The following PCIF1 variants were observed in gnomAD, a reference collection of about 807,000 sequenced individuals.
The protein encoded by PCIF1 is phosphorylated CTD interacting factor 1.
Under a neutral mutation model 86.9 loss-of-function variants are expected in PCIF1, and 12 were observed. The ratio of observed to expected loss-of-function variants is 0.14; its 90% CI spans 0.09 to 0.22. The LOEUF (loss-of-function observed/expected upper bound fraction) is 0.22. Ranked by LOEUF, PCIF1 falls within the 10% of genes least tolerant of loss-of-function variation. The pLI is 1.00. For synonymous variants in PCIF1, 397 were observed against 372.0 expected (o/e 1.07, Z -0.77); for missense variants, 701 against 951.1 (o/e 0.74, Z 3.46).
In PCIF1 at chr20:45,939,080, G is replaced by T. The variant is rs769097763; in HGVS notation, c.81G>T (p.Gln27His). Residue 27 changes from glutamine to histidine, a missense_variant, in exon 3 of 17, where the codon CAG becomes CAT. By Grantham distance (24) the Gln-to-His change is conservative. Around this residue, in one of 7 missense-constraint regions of PCIF1, gnomAD observed 60 missense variants for 58.6 expected, o/e 1.02. Transcript: ENST00000372409. ...SHSPGTSNQS[Q>H]PCSPKPIRLV... is the part of the protein sequence containing the mutation. ...CCCCAGGTACCTCCAATCAGAGCCA[G>T]CCCTGTTCTCCAAAGCCAATCCGCC... is the stretch of plus-strand genomic sequence containing the variant. 1.4e-5 allele frequency: 22 copies of T among 1,614,000 alleles called. No individual in the cohort carries two copies. In the South Asian group the frequency reaches 2.4e-4, roughly 18 times the overall value.
In PCIF1 at chr20:45,947,033, G is replaced by A. The variant is rs754433931; in HGVS notation, c.1614-40G>A. The A allele has an allele frequency of 2.6e-6, 4 of 1,538,326 alleles. No homozygotes were observed. The South Asian group carries it at 4.7e-5, about 18-fold the overall frequency. On this transcript the variant is annotated intron_variant, in intron 14 of 16. Coordinates refer to ENST00000372409, the MANE Select transcript of PCIF1 (RefSeq NM_022104.4). The surrounding 1 kb of genome is among the most constrained non-coding windows in gnomAD (Gnocchi z 5.4). ...GGCACCTGTTTCTGGTTGAGGGACTGGGTCCTGATGGGACTTAGAATGCTC... is the reference window on the plus strand; with the variant it reads ...GGCACCTGTTTCTGGTTGAGGGACTAGGTCCTGATGGGACTTAGAATGCTC...
intron 4 of PCIF1, among the ~76,000 whole-genome samples, chr20:45,940,269 G>A (rs932833076): frequency 1.4e-4 from 21 of 152,186 alleles, no homozygotes; most frequent in African/African-American, 5.1e-4. Context: ...TTCTGAAGGT[G>A]AGAGAACTGG....
chr20:45,941,574 C>G (rs1334598262), intron 7 of PCIF1, among the ~76,000 whole-genome samples: 2 of 152,206 alleles, frequency 1.3e-5, no homozygotes, highest in African/African-American at 2.4e-5. Flanking sequence ...ATTCTCCTGC[C>G]TCAGCCTCCC....
Position 45,939,165 on chromosome 20 carries a change from G to A in PCIF1, c.124+42G>A, listed in dbSNP as rs755327997. On this transcript the variant is annotated intron_variant, in intron 3 of 16. Transcript: ENST00000372409. The stretch of plus-strand genomic sequence containing the variant: ...GTAGTGGGGTGGTGGGGTAGGAAGG[G>A]CACCCTGGGAGCAGTCCTGACCCTG... 63 of 1,613,880 alleles carry A rather than the reference G, an allele frequency of 3.9e-5. No individual in the cohort carries two copies. The East Asian group carries it at 1.4e-3, about 36-fold the overall frequency.
chr20:45,935,112 G>C (rs1487534410), intron 1 of PCIF1, among the ~76,000 whole-genome samples: 1 of 151,674 alleles, frequency 6.6e-6, no homozygotes, highest in Admixed American at 6.6e-5. Context: ...CGGCGGGGCG[G>C]GGGGCGGAGC....
Position 45,934,723 on chromosome 20 carries a change from C to G in PCIF1, c.-269C>G, listed in dbSNP as rs899565059. On this transcript the variant is annotated 5_prime_UTR_variant, in exon 1 of 17. Coordinates refer to ENST00000372409, the MANE Select transcript of PCIF1 (RefSeq NM_022104.4). The stretch of plus-strand genomic sequence containing the variant: ...GGGACACAAGATGGCGGCAGCGGCG[C>G]TGGGGAGGGCGAGGCGGAGGCGGCA... 5.0e-6 allele frequency: 2 copies of G among 398,828 alleles called. No individual in the cohort carries two copies. Among genetic ancestry groups the G allele is most frequent in the Admixed American group, 4.4e-5 (1 of 22,710 alleles). 24.7% of individuals were successfully genotyped at this position (398,828 alleles called of 1,614,324 possible). A position where few individuals can be genotyped will look rare whatever the true frequency, so the allele number is the denominator to read the frequency against.
intron 4 of PCIF1, among the ~76,000 whole-genome samples, chr20:45,939,560 G>A (rs1298113235): frequency 6.6e-6 from 1 of 152,236 alleles, no homozygotes; most frequent in Non-Finnish European, 1.5e-5. Context: ...CACGGTGGGT[G>A]CTGTGCCGCG....
chr20:45,944,733 G>T (rs1272142598), intron 10 of PCIF1, 135 bp from the exon 11 acceptor site: 1 of 920,788 alleles, frequency 1.1e-6, no homozygotes. Context: ...ATTTGTCCAA[G>T]TGACACAGCT....
chr20:45,935,628 G>T (rs960634055), intron 1 of PCIF1, among the ~76,000 whole-genome samples: 3 of 152,078 alleles, frequency 2.0e-5, no homozygotes, highest in Non-Finnish European at 4.4e-5. Flanking sequence ...GACCTGCTGC[G>T]CTCAAGTCAC....
chr20:45,936,294 C>A (rs1045465345), intron 1 of PCIF1, among the ~76,000 whole-genome samples: 4 of 151,914 alleles, frequency 2.6e-5, no homozygotes, highest in African/African-American at 9.6e-5. Context: ...TCTGCCTCAG[C>A]CTCCCGAGTA....
chr20:45,945,686 C>A (rs199694498), intron 11 of PCIF1, 25 bp from the exon 12 acceptor site: 1 of 1,606,796 alleles, frequency 6.2e-7, no homozygotes, highest in Non-Finnish European at 8.5e-7. Context: ...GGAGTGTGGT[C>A]CCTCACTGCT....
rs771451232 is a variant in PCIF1, at chr20:45,947,487, G to C, written c.1884-37G>C. On this transcript the variant is annotated intron_variant, in intron 16 of 16. Transcript: ENST00000372409. This position sits in a 1 kb window ranked among gnomAD's most constrained non-coding sequence, Gnocchi z 5.4. The stretch of plus-strand genomic sequence containing the variant: ...AAGGAGGCTGGGCTGGCCAGGCCAG[G>C]CCCAGCCCCACCCTGAGCCATTGCC... 6 of 1,613,124 alleles carry C rather than the reference G, an allele frequency of 3.7e-6. No individual in the cohort carries two copies. Among genetic ancestry groups the C allele is most frequent in the Non-Finnish European group, 3.4e-6 (4 of 1,179,892 alleles).
Position 45,947,874 on chromosome 20 carries a change from G to A in PCIF1, c.*119G>A. ...ACATATGAAGATTATGGTTCTGCCA[G>A]GGCTCCCCTCCCTGCCTGTCCCCAA... On this transcript the variant is annotated 3_prime_UTR_variant, in exon 17 of 17. Coordinates refer to ENST00000372409, the MANE Select transcript of PCIF1 (RefSeq NM_022104.4). This position sits in a 1 kb window ranked among gnomAD's most constrained non-coding sequence, Gnocchi z 5.4. 6.5e-7 allele frequency: 1 copy of A among 1,531,248 alleles called. No individual in the cohort carries two copies. The highest frequency in any genetic ancestry group is 2.4e-5 in the East Asian group (1 of 41,000). 94.9% of individuals were successfully genotyped at this position (1,531,248 alleles called of 1,614,324 possible).
chr20:45,940,875 A>T lies in PCIF1; in HGVS notation c.454A>T (p.Thr152Ser), dbSNP rs778640382. 6.2e-7 allele frequency: 1 copy of T among 1,614,144 alleles called. No homozygotes were observed. Among genetic ancestry groups the T allele is most frequent in the South Asian group, 1.1e-5 (1 of 91,086 alleles). The change falls in exon 6 of 17, where the codon ACG becomes TCG. Residue 152 changes from threonine (T) to serine (S), a missense_variant. Thr to Ser is a moderately conservative substitution (Grantham distance 58). This residue lies in a region of PCIF1 where 125 missense variants were observed against 126.8 expected (regional missense o/e 0.99). Transcript: ENST00000372409. ...PSSPSIPGTP[T>S]LKMWGTSPED... Reference sequence around the variant, plus strand: ...CTCCCCCAGTATCCCAGGAACCCCAACGCTGAAGATGTGGGGTACGTCCCC... The same window carrying T: ...CTCCCCCAGTATCCCAGGAACCCCATCGCTGAAGATGTGGGGTACGTCCCC...
At position 45,943,727 on chromosome 20, in the gene PCIF1, C is replaced by T. The variant is rs1381424104; in HGVS notation, c.967C>T (p.Leu323Phe). The T allele has an allele frequency of 1.3e-6, 2 of 1,561,714 alleles. No homozygotes were observed. Among genetic ancestry groups the T allele is most frequent in the Non-Finnish European group, 1.7e-6 (2 of 1,152,004 alleles). ...GAATGTGGAAGACACCTTTAGCTGG[C>T]TTCGGAAGGACCACTCAGCCTCCAA... is the stretch of plus-strand genomic sequence containing the variant. ...KWNVEDTFSW[L>F]RKDHSASKED... The change falls in exon 10 of 17, where the codon CTT becomes TTT. Residue 323 changes from leucine to phenylalanine, a missense_variant. Physicochemically the swap from Leu to Phe is conservative, Grantham distance 22. Coordinates refer to ENST00000372409, the MANE Select transcript of PCIF1 (RefSeq NM_022104.4). The surrounding 1 kb of genome is among the most constrained non-coding windows in gnomAD (Gnocchi z 5.5).
chr20:45,939,261 G>A lies in PCIF1; in HGVS notation c.171G>A (p.Glu57=), dbSNP rs1568791403. Residue 57 remains glutamate (E), a synonymous_variant, in exon 4 of 17, where the codon GAG becomes GAA. Transcript: ENST00000372409. The part of the protein sequence containing the change: ...AGWEKCWSRR[E]NRPYYFNRFT... Reference sequence around the variant, plus strand: ...GGGAGAAGTGCTGGAGCCGGAGGGAGAATCGTCCCTACTACTTCAACCGAT... The same window carrying A: ...GGGAGAAGTGCTGGAGCCGGAGGGAAAATCGTCCCTACTACTTCAACCGAT... The A allele has an allele frequency of 1.2e-6, 2 of 1,613,700 alleles. No homozygotes were observed. The highest frequency in any genetic ancestry group is 1.7e-6 in the Non-Finnish European group (2 of 1,180,030).
chr20:45,940,761 C>G, intron 5 of PCIF1, 48 bp from the exon 6 acceptor site: 1 of 1,603,200 alleles, frequency 6.2e-7, no homozygotes, highest in Non-Finnish European at 8.5e-7. Flanking sequence ...TGGATGGAGC[C>G]TCTCTGGTGA....
chr20:45,936,335 G>A (rs2083425526), intron 1 of PCIF1, among the ~76,000 whole-genome samples: 1 of 115,766 alleles, frequency 8.6e-6, no homozygotes, highest in South Asian at 3.2e-4. Context: ...CCACCACGCC[G>A]GGCTAATTTT....
rs750052866 is a variant in PCIF1, at chr20:45,943,216, C to T, written c.793C>T (p.Arg265Cys). Residue 265 changes from arginine to cysteine, a missense_variant, in exon 8 of 17, where the codon CGT (arginine) becomes TGT (cysteine). Arg to Cys is a radical substitution (Grantham distance 180). Coordinates refer to ENST00000372409, the MANE Select transcript of PCIF1 (RefSeq NM_022104.4). The surrounding 1 kb of genome is among the most constrained non-coding windows in gnomAD (Gnocchi z 5.5). ...CEPVVSPSMF[R>C]EIMNDIPIRL... ...ACCAGTCGTGTCACCTTCCATGTTT[C>T]GTGAAATCATGAACGACATTCCTAT... 1 of 1,614,146 alleles carries T rather than the reference C, an allele frequency of 6.2e-7. No individual in the cohort carries two copies. Among genetic ancestry groups the T allele is most frequent in the Non-Finnish European group, 8.5e-7 (1 of 1,180,036 alleles).
Sources: allele counts gnomAD v4.1 joint callset (sites outside exome capture counted in the v4.1 genomes callset), GRCh38; gene constraint gnomAD v4.1.1; regional missense constraint gnomAD v4.1.1; non-coding constraint Gnocchi (gnomAD v3.1); transcripts MANE v1.5; gene names NCBI Gene and HGNC (gene_info 2026-07-23, HGNC 2026-07-21).